Variants in CLCN2 observed in about 807,000 individuals in gnomAD.
The protein encoded by CLCN2 is chloride channel protein 2.
In CLCN2, 72 loss-of-function variants were observed where a neutral mutation model predicts 108.3. The ratio of observed to expected loss-of-function variants is 0.66; its 90% CI spans 0.55 to 0.81. The LOEUF is 0.81. Ranked by LOEUF, CLCN2 falls within the 30% of genes least tolerant of loss-of-function variation. The probability of loss-of-function intolerance (pLI) is 0.00; values close to 1 mark genes in which losing one functional copy is unlikely to be tolerated. For synonymous variants in CLCN2, 471 were observed against 467.1 expected, an observed-to-expected ratio of 1.01 and a Z score of -0.11; for missense variants, 1,048 against 1,205.2, an observed-to-expected ratio of 0.87 and a Z score of 1.93.
At chr3:184,354,715 C>T in intron 13 of CLCN2, 57 bp from the exon 14 acceptor site, 1 of 1,425,632 alleles carries the variant, frequency 7.0e-7, no homozygotes. Context: ...GCAGGGGGCA[C>T]TAGGAAGAGA....
rs748078438 is a variant in CLCN2 at position 184,356,979 on chromosome 3, C to T, written c.1085+14G>A. 40 of 1,595,980 alleles carry T rather than the reference C, an allele frequency of 2.5e-5. No individual in the cohort carries two copies. Among genetic ancestry groups the T allele is most frequent in the East Asian group, 8.9e-5 (4 of 44,792 alleles). ...AACTCAAAGCAGCCTGGAGAGGAGC[C>T]GAGAGCCACTCACTTCCTCATGAGG... On this transcript the variant is annotated intron_variant, in intron 10 of 23. Transcript: ENST00000265593.
Position 184,358,092 on chromosome 3 carries a change from G to A in CLCN2, c.485C>T (p.Ser162Phe). ...TQILAPQAVG[S>F]GIPEMKTILR... ...GATGGTCTTCATCTCAGGGATGCCAGAGCCTGGAGAGGGAACAGTCTCAGG... is the reference window on the plus strand; with the variant it reads ...GATGGTCTTCATCTCAGGGATGCCAAAGCCTGGAGAGGGAACAGTCTCAGG... The change falls in exon 5 of 24, where the codon TCT becomes TTT. Residue 162 changes from serine (S) to phenylalanine (F), a missense_variant. Transcript: ENST00000265593. 6.2e-7 allele frequency: 1 copy of A among 1,614,148 alleles called. No homozygotes were observed. The highest frequency in any genetic ancestry group is 8.5e-7 in the Non-Finnish European group (1 of 1,180,042).
In CLCN2 at chr3:184,353,300, G is replaced by T. The variant is rs753629814; in HGVS notation, c.1978C>A (p.Leu660Ile). The T allele has an allele frequency of 1.2e-6, 2 of 1,613,688 alleles. No individual in the cohort carries two copies. Among genetic ancestry groups the T allele is most frequent in the African/African-American group, 2.7e-5 (2 of 74,944 alleles). ...GTAGGGGGACCCTCCTGATCAGATA[G>T]TGGAGAGGTCTGGGTGGCTCTGCGC... ...QERRATQTSP[L>I]SDQEGPPTPE... is the part of the protein sequence containing the mutation. The change falls in exon 17 of 24, where the codon CTA becomes ATA. Residue 660 changes from leucine to isoleucine, a missense_variant. Transcript: ENST00000265593.
chr3:184,358,498 G>A, intron 3 of CLCN2, 184 bp downstream of exon 3: 1 of 1,089,290 alleles, frequency 9.2e-7, no homozygotes, highest in Non-Finnish European at 1.4e-6. Context: ...ACTTGGAGAG[G>A]GGATGCAAGA....
In CLCN2 at chr3:184,358,215, C is replaced by T. The variant is rs753057485; in HGVS notation, c.448G>A (p.Gly150Arg). 1.3e-5 allele frequency: 21 copies of T among 1,614,084 alleles called. No homozygotes were observed. Among genetic ancestry groups the T allele is most frequent in the East Asian group, 4.5e-5 (2 of 44,880 alleles). ...YPVVLITFSA[G>R]FTQILAPQAV... ...TGAGGGGCCAGGATCTGTGTGAATCCGGCTGAGAAAGTGATGAGGACAACA... is the reference window on the plus strand; with the variant it reads ...TGAGGGGCCAGGATCTGTGTGAATCTGGCTGAGAAAGTGATGAGGACAACA... The change falls in exon 4 of 24, where the codon GGA becomes AGA. Residue 150 changes from glycine (G) to arginine (R), a missense_variant. Physicochemically the swap from Gly to Arg is moderately radical, Grantham distance 125. Coordinates refer to ENST00000265593, the MANE Select transcript of CLCN2 (RefSeq NM_004366.6).
chr3:184,354,844 G>C lies in CLCN2; in HGVS notation c.1396+60C>G, dbSNP rs3749222. 82,036 of 1,562,372 alleles carry C rather than the reference G, an allele frequency of 0.053. 2,394 individuals carry two copies. Among genetic ancestry groups the C allele is most frequent in the African/African-American group, 0.096 (7,129 of 73,972 alleles). ...CCGCTCTTGGGCAGAGGGTTGGCTG[G>C]GGGGGTGGCCAGAGGCTGAGGAAGG... On this transcript the variant is annotated intron_variant, in intron 13 of 23. Transcript: ENST00000265593.
rs747180362 is a variant in CLCN2 at position 184,357,177 on chromosome 3, C to G, written c.983+5G>C. ...CTGATACCCCCAGCCCCCTCAGCTC[C>G]TCACCCAATGACAGCAAAGGCTGGC... On this transcript the variant is annotated splice_donor_5th_base_variant and intron_variant, in intron 9 of 23. Transcript: ENST00000265593. 2.5e-6 allele frequency: 4 copies of G among 1,613,910 alleles called. No homozygotes were observed. The highest frequency in any genetic ancestry group is 3.4e-6 in the Non-Finnish European group (4 of 1,179,926).
chr3:184,356,114 G>A, intron 10 of CLCN2: 3 of 370,558 alleles, frequency 8.1e-6, no homozygotes, highest in East Asian at 6.5e-5. Flanking sequence ...GGCATATTGT[G>A]TGATGGGGTG....
intron 16 of CLCN2, 116 bp from the exon 17 acceptor site, chr3:184,353,538 C>T: frequency 6.5e-7 from 1 of 1,549,906 alleles, no homozygotes; most frequent in Admixed American, 1.9e-5. Flanking sequence ...AGGGAAGCCC[C>T]CACCTGGCAA....
In CLCN2 at chr3:184,352,134, A is replaced by G. The variant is rs760068208; in HGVS notation, c.2311-17T>C. On this transcript the variant is annotated splice_polypyrimidine_tract_variant and intron_variant, in intron 21 of 23. Coordinates refer to ENST00000265593, the MANE Select transcript of CLCN2 (RefSeq NM_004366.6). ...CTCCAGAATCTGAGGGGAAGAGACT[A>G]TGAGGTTTAGGGAGAAGGTGCCTGT... is the stretch of plus-strand genomic sequence containing the variant. 1.9e-6 allele frequency: 3 copies of G among 1,608,890 alleles called. No homozygotes were observed. Among genetic ancestry groups the G allele is most frequent in the South Asian group, 2.2e-5 (2 of 90,978 alleles).
chr3:184,355,213 G>A lies in CLCN2; in HGVS notation c.1326+161C>T. 1 of 876,124 alleles carries A rather than the reference G, an allele frequency of 1.1e-6. No individual in the cohort carries two copies. The highest frequency in any genetic ancestry group is 2.0e-5 in the Admixed American group (1 of 50,560). The allele number at this position is 876,124 out of a possible 1,614,324, so 54.3% of individuals were successfully genotyped here. On this transcript the variant is annotated intron_variant, in intron 12 of 23. Coordinates refer to ENST00000265593, the MANE Select transcript of CLCN2 (RefSeq NM_004366.6). The surrounding 1 kb of genome is among the most constrained non-coding windows in gnomAD (Gnocchi z 6.3). Reference sequence around the variant, plus strand: ...CTGCCCTCTAGCTGTGTGACTTTGGGCCAGCTACTTGTGTTTCGACTCCCC... The same window carrying A: ...CTGCCCTCTAGCTGTGTGACTTTGGACCAGCTACTTGTGTTTCGACTCCCC...
intron 22 of CLCN2, chr3:184,347,664 T>C (rs1727785247): frequency 1.2e-5 from 2 of 165,916 alleles, no homozygotes; most frequent in Admixed American, 1.1e-4. Flanking sequence ...TTGGAGTCTC[T>C]CTCCCCTGCT....
chr3:184,361,307 C>T lies in CLCN2; in HGVS notation c.63+110G>A. The T allele has an allele frequency of 5.9e-6, 7 of 1,189,536 alleles. No individual in the cohort carries two copies. Among genetic ancestry groups the T allele is most frequent in the Non-Finnish European group, 8.7e-6 (7 of 800,312 alleles). 73.7% of individuals were successfully genotyped at this position (1,189,536 alleles called of 1,614,324 possible). On this transcript the variant is annotated intron_variant, in intron 1 of 23. Coordinates refer to ENST00000265593, the MANE Select transcript of CLCN2 (RefSeq NM_004366.6). The surrounding 1 kb of genome is among the most constrained non-coding windows in gnomAD (Gnocchi z 6.6). ...CTTCCAAGCCTCAGTTTCCCCAGCT[C>T]AAAATGCTAGGACAGGATTAGGGTA...
Position 184,357,000 on chromosome 3 carries a change from T to C in CLCN2, c.1078A>G (p.Met360Val), listed in dbSNP as rs1728600349. Reference protein sequence around the residue: ...RKQKTINRFLMRKRLLFPALV... With the variant: ...RKQKTINRFLVRKRLLFPALV... ...GAGCCGAGAGCCACTCACTTCCTCA[T>C]GAGGAAGCGATTGATGGTTTTCTGC... Residue 360 changes from methionine (M) to valine (V), a missense_variant, in exon 10 of 24, where the codon ATG (methionine) becomes GTG (valine). Transcript: ENST00000265593. 6 of 1,612,402 alleles carry C rather than the reference T, an allele frequency of 3.7e-6. No homozygotes were observed. The highest frequency in any genetic ancestry group is 4.2e-6 in the Non-Finnish European group (5 of 1,179,170).
In CLCN2 at chr3:184,361,494, C is replaced by T. The variant is rs1712119054; in HGVS notation, c.-15G>A. 2.5e-6 allele frequency: 4 copies of T among 1,609,924 alleles called. No homozygotes were observed. The highest frequency in any genetic ancestry group is 2.7e-5 in the African/African-American group (2 of 74,912). On this transcript the variant is annotated 5_prime_UTR_variant, in exon 1 of 24. Transcript: ENST00000265593. The surrounding 1 kb of genome is among the most constrained non-coding windows in gnomAD (Gnocchi z 6.6). The stretch of plus-strand genomic sequence containing the variant: ...GCGGCCGCCATCTCCGCGCACTGCC[C>T]TCTCGCCTCCCTCGGCGGTTCCGGC...
intron 3 of CLCN2, 126 bp downstream of exon 3, chr3:184,358,552 GCAGT>G (rs1711577749): frequency 2.3e-6 from 3 of 1,291,536 alleles, no homozygotes; most frequent in Admixed American, 3.9e-5. Flanking sequence ...CTGAATCTGG[GCAGT>G]CAGACTGGCT....
At position 184,361,359 on chromosome 3, in the gene CLCN2, G is replaced by A. The variant is rs1056225879; in HGVS notation, c.63+58C>T. 1 of 1,567,510 alleles carries A rather than the reference G, an allele frequency of 6.4e-7. No homozygotes were observed. Among genetic ancestry groups the A allele is most frequent in the Non-Finnish European group, 8.8e-7 (1 of 1,138,230 alleles). On this transcript the variant is annotated intron_variant, in intron 1 of 23. Transcript: ENST00000265593. The surrounding 1 kb of genome is among the most constrained non-coding windows in gnomAD (Gnocchi z 6.6). ...GCCCCTGGTCCTCGCGCTTCCCAGG[G>A]TAACCTGGAGCAGGGGTCCCGGAGC...
Position 184,361,587 on chromosome 3 carries a change from G to T in CLCN2, c.-108C>A. ...CAGCCGTCCCGTCCCCGCAGCCCGGGAGGCCGAGAGCAGAGTGCGGCGGGC... is the reference window on the plus strand; with the variant it reads ...CAGCCGTCCCGTCCCCGCAGCCCGGTAGGCCGAGAGCAGAGTGCGGCGGGC... On this transcript the variant is annotated 5_prime_UTR_variant, in exon 1 of 24. Transcript: ENST00000265593. This position sits in a 1 kb window ranked among gnomAD's most constrained non-coding sequence, Gnocchi z 6.6. The T allele has an allele frequency of 1.6e-6, 2 of 1,251,722 alleles. No homozygotes were observed. The highest frequency in any genetic ancestry group is 2.2e-6 in the Non-Finnish European group (2 of 899,898). 77.5% of individuals were successfully genotyped at this position (1,251,722 alleles called of 1,614,324 possible).
At position 184,357,054 on chromosome 3, in the gene CLCN2, T is replaced by C; in HGVS notation, c.1024A>G (p.Asn342Asp). The change falls in exon 10 of 24, where the codon AAC (asparagine) becomes GAC (aspartate). Residue 342 changes from asparagine (N) to aspartate (D), a missense_variant. By Grantham distance (23) the Asn-to-Asp change is conservative. Transcript: ENST00000265593. ...CGCATCACCTGGACAATCTTCCGGT[T>C]CAGGTAGACAAAGAGGGCTCCACCG... Reference protein sequence around the residue: ...GFGGALFVYLNRKIVQVMRKQ... With the variant: ...GFGGALFVYLDRKIVQVMRKQ... 1 of 1,613,848 alleles carries C rather than the reference T, an allele frequency of 6.2e-7. No homozygotes were observed. The highest frequency in any genetic ancestry group is 1.1e-5 in the South Asian group (1 of 90,998).
Sources: allele counts gnomAD v4.1 joint callset, GRCh38; gene constraint gnomAD v4.1.1; non-coding constraint Gnocchi (gnomAD v3.1); transcripts MANE v1.5; gene names NCBI Gene and HGNC (gene_info 2026-07-23, HGNC 2026-07-21).